The following PLCB3 variants were observed in gnomAD, a reference collection of about 807,000 sequenced individuals.
PLCB3 encodes the protein 1-phosphatidylinositol 4,5-bisphosphate phosphodiesterase beta-3.
PLCB3 carries 54 observed loss-of-function variants against 152.1 expected under a neutral mutation model. That is an observed-to-expected ratio of 0.36 (90% confidence interval 0.29 to 0.45). PLCB3 has a LOEUF of 0.45. Among genes scored for constraint, PLCB3 ranks in the 20% least tolerant of loss-of-function variants. The pLI is 1.00. For synonymous variants in PLCB3, 717 were observed against 698.7 expected (o/e 1.03, Z -0.41); for missense variants, 1,248 against 1,687.5 (o/e 0.74, Z 4.56).
At position 64,258,998 on chromosome 11, in the gene PLCB3, C is replaced by A; in HGVS notation, c.1338+29C>A. The A allele has an allele frequency of 6.2e-7, 1 of 1,613,120 alleles. No individual in the cohort carries two copies. ...CGGGAGCTCGGAGCGAGGGGGGTGGCATGGGGGCCAGGGTGCTGCGGACCC... is the reference window on the plus strand; with the variant it reads ...CGGGAGCTCGGAGCGAGGGGGGTGGAATGGGGGCCAGGGTGCTGCGGACCC... On this transcript the variant is annotated intron_variant, in intron 12 of 30. Transcript: ENST00000279230. The surrounding 1 kb of genome is among the most constrained non-coding windows in gnomAD (Gnocchi z 7.2).
rs1049675387 is a variant in PLCB3, at chr11:64,262,807, A to G, written c.2354A>G (p.Lys785Arg). The G allele has an allele frequency of 1.2e-6, 2 of 1,612,862 alleles. No individual in the cohort carries two copies. The highest frequency in any genetic ancestry group is 1.7e-6 in the Non-Finnish European group (2 of 1,179,774). The change falls in exon 19 of 31, where the codon AAG becomes AGG. Residue 785 changes from lysine to arginine, a missense_variant and splice_region_variant. Physicochemically the swap from Lys to Arg is conservative, Grantham distance 26 (BLOSUM62 2). Transcript: ENST00000279230. ...GACGAAGAGCCCTTCGACTTCCCCA[A>G]GGTGAGCCTGGCCCCTGCACCCGCC... The part of the protein sequence containing the change: ...VWDEEPFDFP[K>R]VVLPTLASLR...
At position 64,267,397 on chromosome 11, in the gene PLCB3, G is replaced by T. The variant is rs372161244; in HGVS notation, c.3546G>T (p.Arg1182Ser). The T allele has an allele frequency of 1.3e-6, 2 of 1,540,418 alleles. No homozygotes were observed. Among genetic ancestry groups the T allele is most frequent in the Non-Finnish European group, 1.8e-6 (2 of 1,141,668 alleles). ...AGGAGTGTCAGGAGCAGCGGGCGAG[G>T]CTCCCCCAGGAGATCCGCCGGAGCC... ...LAQECQEQRARLPQEIRRSLL... is the reference protein window; with the variant it reads ...LAQECQEQRASLPQEIRRSLL... Residue 1182 changes from arginine to serine, a missense_variant, in exon 31 of 31, where the codon AGG (arginine) becomes AGT (serine). By Grantham distance (110) the Arg-to-Ser change is moderately radical (BLOSUM62 -1). This residue lies in a region of PLCB3 where 477 missense variants were observed against 489.6 expected (regional missense o/e 0.97). Coordinates refer to ENST00000279230, the MANE Select transcript of PLCB3 (RefSeq NM_000932.5). The surrounding 1 kb of genome is among the most constrained non-coding windows in gnomAD (Gnocchi z 5.2).
In PLCB3 at chr11:64,256,557, G is replaced by A; in HGVS notation, c.865+15G>A. Reference sequence around the variant, plus strand: ...TCTGGAGCGAGGTGAGCTGGCTGGGGTGCAGGTGGGTGGGGGCAGGTGGGA... The same window carrying A: ...TCTGGAGCGAGGTGAGCTGGCTGGGATGCAGGTGGGTGGGGGCAGGTGGGA... On this transcript the variant is annotated intron_variant, in intron 9 of 30. Coordinates refer to ENST00000279230, the MANE Select transcript of PLCB3 (RefSeq NM_000932.5). The A allele has an allele frequency of 6.2e-7, 1 of 1,613,400 alleles. No homozygotes were observed.
At position 64,254,446 on chromosome 11, in the gene PLCB3, G is replaced by C. The variant is rs775400340; in HGVS notation, c.131G>C (p.Arg44Pro). Residue 44 changes from arginine to proline, a missense_variant, in exon 2 of 31, where the codon CGT (arginine) becomes CCT (proline). Transcript: ENST00000279230. Reference sequence around the variant, plus strand: ...TCCAGTCGGAACCTGGTGACCCTGCGTGTGGACCCCAATGGCTTCTTCTTG... The same window carrying C: ...TCCAGTCGGAACCTGGTGACCCTGCCTGTGGACCCCAATGGCTTCTTCTTG... ...ETSSRNLVTLRVDPNGFFLYW... is the reference protein window; with the variant it reads ...ETSSRNLVTLPVDPNGFFLYW... 1 of 1,614,006 alleles carries C rather than the reference G, an allele frequency of 6.2e-7. No homozygotes were observed. Among genetic ancestry groups the C allele is most frequent in the African/African-American group, 1.3e-5 (1 of 75,054 alleles).
Position 64,267,581 on chromosome 11 carries a change from G to A in PLCB3, c.*25G>A. The A allele has an allele frequency of 6.5e-7, 1 of 1,531,806 alleles. No individual in the cohort carries two copies. The highest frequency in any genetic ancestry group is 8.8e-7 in the Non-Finnish European group (1 of 1,138,670). The allele number at this position is 1,531,806 out of a possible 1,614,324, so 94.9% of individuals were successfully genotyped here. ...AACTGGCTGAGCGAGGTGGCCACAG[G>A]GCCAGGGCGGGCGCTGGGTGGAGGG... On this transcript the variant is annotated 3_prime_UTR_variant, in exon 31 of 31. Transcript: ENST00000279230. This position sits in a 1 kb window ranked among gnomAD's most constrained non-coding sequence, Gnocchi z 5.2.
chr11:64,261,892 G>T, intron 16 of PLCB3, 60 bp from the exon 17 acceptor site: 1 of 1,606,662 alleles, frequency 6.2e-7, no homozygotes. Flanking sequence ...GCTGAGGCCG[G>T]AGGTGGAGGC....
At position 64,255,919 on chromosome 11, in the gene PLCB3, C is replaced by T. The variant is rs1177437024; in HGVS notation, c.698+98C>T. ...ATGGGGAGAGGGGAAACTGGTGGGCCGGGTCCTGGAGCGCCAGGGGGCGGA... is the reference window on the plus strand; with the variant it reads ...ATGGGGAGAGGGGAAACTGGTGGGCTGGGTCCTGGAGCGCCAGGGGGCGGA... On this transcript the variant is annotated intron_variant, in intron 8 of 30. Transcript: ENST00000279230. The surrounding 1 kb of genome is among the most constrained non-coding windows in gnomAD (Gnocchi z 6.8). 1.8e-5 allele frequency: 18 copies of T among 978,502 alleles called. No individual in the cohort carries two copies. The highest frequency in any genetic ancestry group is 3.5e-5 in the Admixed American group (2 of 56,996). The allele number at this position is 978,502 out of a possible 1,614,324, so 60.6% of individuals were successfully genotyped here. A position where few individuals can be genotyped will look rare whatever the true frequency, so the allele number is the denominator to read the frequency against.
chr11:64,263,635 G>T (rs1214260951), intron 20 of PLCB3, 38 bp downstream of exon 20: 1 of 1,604,404 alleles, frequency 6.2e-7, no homozygotes, highest in South Asian at 1.1e-5. Flanking sequence ...ACAGCGGGCA[G>T]TGGGTAGGGC....
chr11:64,266,255 G>A lies in PLCB3; in HGVS notation c.3266+53G>A. The A allele has an allele frequency of 6.2e-7, 1 of 1,613,870 alleles. No homozygotes were observed. Among genetic ancestry groups the A allele is most frequent in the East Asian group, 2.2e-5 (1 of 44,872 alleles). On this transcript the variant is annotated intron_variant, in intron 27 of 30. Coordinates refer to ENST00000279230, the MANE Select transcript of PLCB3 (RefSeq NM_000932.5). This position sits in a 1 kb window ranked among gnomAD's most constrained non-coding sequence, Gnocchi z 4.9. ...GGGCTGGGGACTTCTAGTACCAGAA[G>A]GAGGGCAGAGTCTGTGCTTCTGCCG...
intron 1 of PLCB3, among the ~76,000 whole-genome samples, chr11:64,254,004 G>A: frequency 6.6e-6 from 1 of 152,120 alleles, no homozygotes; most frequent in Middle Eastern, 3.2e-3. Flanking sequence ...GGATTGGGGG[G>A]CTGCCACTGT....
rs748096087 is a variant in PLCB3, at chr11:64,255,342, C to CG, written c.467+35dup. On this transcript the variant is annotated intron_variant, in intron 5 of 30. Coordinates refer to ENST00000279230, the MANE Select transcript of PLCB3 (RefSeq NM_000932.5). The surrounding 1 kb of genome is among the most constrained non-coding windows in gnomAD (Gnocchi z 6.8). ...AGCCCCAGGCCACCCGAGGGGGAGC[C>CG]GGGGGGTTCACGTGGCCGTTTTCAG... 6.2e-6 allele frequency: 10 copies of CG among 1,613,370 alleles called. No individual in the cohort carries two copies. Among genetic ancestry groups the CG allele is most frequent in the South Asian group, 4.4e-5 (4 of 91,078 alleles).
In PLCB3 at chr11:64,260,316, G is replaced by A. The variant is rs974915595; in HGVS notation, c.1731+82G>A. On this transcript the variant is annotated intron_variant, in intron 14 of 30. Coordinates refer to ENST00000279230, the MANE Select transcript of PLCB3 (RefSeq NM_000932.5). ...GCTGGGTCTGACCATCAACAAGACT[G>A]ACATCACCCCTGCCTCCTGGGGCTC... 54 of 964,636 alleles carry A rather than the reference G, an allele frequency of 5.6e-5. 1 individual carries two copies. The highest frequency in any genetic ancestry group is 4.5e-4 in the African/African-American group (27 of 60,094). The allele number at this position is 964,636 out of a possible 1,614,324, so 59.8% of individuals were successfully genotyped here.
chr11:64,266,306 C>T lies in PLCB3; in HGVS notation c.3267-9C>T. 1 of 1,613,436 alleles carries T rather than the reference C, an allele frequency of 6.2e-7. No individual in the cohort carries two copies. The highest frequency in any genetic ancestry group is 1.3e-5 in the African/African-American group (1 of 74,832). Reference sequence around the variant, plus strand: ...CTGACCCCTCCTCTTCCCCTGCCGGCTTCTCCAGGGAGAAGAAGGAGCTGC... The same window carrying T: ...CTGACCCCTCCTCTTCCCCTGCCGGTTTCTCCAGGGAGAAGAAGGAGCTGC... On this transcript the variant is annotated splice_polypyrimidine_tract_variant and intron_variant, in intron 27 of 30. Transcript: ENST00000279230. This position sits in a 1 kb window ranked among gnomAD's most constrained non-coding sequence, Gnocchi z 4.9.
intron 1 of PLCB3, among the ~76,000 whole-genome samples, chr11:64,253,125 C>T (rs753350453): frequency 6.6e-6 from 1 of 152,240 alleles, no homozygotes; most frequent in Non-Finnish European, 1.5e-5. Context: ...GTGCAATCCC[C>T]ATTCTCCAGA....
Position 64,256,707 on chromosome 11 carries a change from A to G in PLCB3, c.955A>G (p.Met319Val). The G allele has an allele frequency of 1.2e-6, 2 of 1,614,204 alleles. No individual in the cohort carries two copies. Among genetic ancestry groups the G allele is most frequent in the South Asian group, 1.1e-5 (1 of 91,082 alleles). The part of the protein sequence containing the change: ...PLEALDLSTD[M>V]TQPLSAYFIN... ...GGAAGCCCTGGATCTGAGCACGGAC[A>G]TGACCCAGCCACTGAGTGCCTACTT... The change falls in exon 10 of 31, where the codon ATG (methionine) becomes GTG (valine). Residue 319 changes from methionine to valine, a missense_variant. Met to Val is a conservative substitution (Grantham distance 21). Around this residue, in one of 6 missense-constraint regions of PLCB3, gnomAD observed 299 missense variants for 434.7 expected, o/e 0.69. Transcript: ENST00000279230.
chr11:64,266,580 C>A lies in PLCB3; in HGVS notation c.3414+28C>A, dbSNP rs916411294. On this transcript the variant is annotated intron_variant, in intron 29 of 30. Transcript: ENST00000279230. This position sits in a 1 kb window ranked among gnomAD's most constrained non-coding sequence, Gnocchi z 4.9. ...GAGTCAGGCTCCCGGGCCACCCTACCCCACCTCCCTTCCTTCACTCATCAG... is the reference window on the plus strand; with the variant it reads ...GAGTCAGGCTCCCGGGCCACCCTACACCACCTCCCTTCCTTCACTCATCAG... The A allele has an allele frequency of 1.2e-6, 2 of 1,608,722 alleles. No homozygotes were observed. Among genetic ancestry groups the A allele is most frequent in the African/African-American group, 2.7e-5 (2 of 74,746 alleles).
chr11:64,256,838 A>AAAAGGACTGTGCCC, intron 10 of PLCB3, 74 bp downstream of exon 10: 1 of 1,492,128 alleles, frequency 6.7e-7, no homozygotes, highest in Non-Finnish European at 9.2e-7. Flanking sequence ...CTCCTGGGGC[A>AAAAGGACTGTGCCC]CAGTCCTTTT....
In PLCB3 at chr11:64,251,756, C is replaced by A; in HGVS notation, c.99+8C>A. On this transcript the variant is annotated splice_region_variant and intron_variant, in intron 1 of 30. Coordinates refer to ENST00000279230, the MANE Select transcript of PLCB3 (RefSeq NM_000932.5). ...TTCATCAAATGGGACGAGGTAAGCG[C>A]GCGGGCCCCTGCTCCGCCCAAATCC... 7.0e-7 allele frequency: 1 copy of A among 1,419,394 alleles called. No individual in the cohort carries two copies. The highest frequency in any genetic ancestry group is 9.3e-7 in the Non-Finnish European group (1 of 1,070,536). The allele number at this position is 1,419,394 out of a possible 1,614,324, so 87.9% of individuals were successfully genotyped here.
chr11:64,265,014 TC>T lies in PLCB3; in HGVS notation c.2717del (p.Ser906Ter). On this transcript the variant is annotated frameshift_variant, in exon 23 of 31. Transcript: ENST00000279230. LOFTEE classifies it high-confidence loss of function. ...TCAGCAGCTGGGGTCTCAGCCGTCC[TC>T]AAACCCCACCCCCAGCCCACTGGAT... The part of the protein sequence containing the change: ...QSQQLGSQPS[S>X]NPTPSPLDAS... 1.2e-6 allele frequency: 2 copies of T among 1,609,384 alleles called. No homozygotes were observed. Among genetic ancestry groups the T allele is most frequent in the Non-Finnish European group, 1.7e-6 (2 of 1,178,600 alleles).
Sources: allele counts gnomAD v4.1 joint callset (sites outside exome capture counted in the v4.1 genomes callset), GRCh38; gene constraint gnomAD v4.1.1; regional missense constraint gnomAD v4.1.1; non-coding constraint Gnocchi (gnomAD v3.1); transcripts MANE v1.5; gene names NCBI Gene and HGNC (gene_info 2026-07-23, HGNC 2026-07-21).